Variants in PSG11 observed in about 807,000 individuals in gnomAD.
PSG11 encodes the protein pregnancy-specific beta-1-glycoprotein 11.
PSG11 carries 42 observed loss-of-function variants against 36.0 expected under a neutral mutation model. The observed-to-expected ratio is 1.17, with a 90% CI of 0.91 to 1.51. The LOEUF (loss-of-function observed/expected upper bound fraction) is 1.51, where lower values mean the gene tolerates loss of function less well. Among genes scored for constraint, PSG11 ranks in the 40% most tolerant of loss-of-function variants. The pLI is 0.00. For synonymous variants in PSG11, 206 were observed against 153.5 expected (o/e 1.34, Z -2.53); for missense variants, 558 against 403.5 (o/e 1.38, Z -3.28).
At chr19:43,025,491 T>C (rs1967222014) in intron 1 of PSG11, 2 of 181,234 alleles carry the variant, frequency 1.1e-5, no homozygotes, top group Admixed American at 5.4e-5. Context: ...TGTCAACACC[T>C]GACCTCACAT....
intron 4 of PSG11, chr19:43,010,764 T>C (rs1974056139): frequency 6.5e-6 from 1 of 154,170 alleles, no homozygotes; most frequent in Non-Finnish European, 1.4e-5. Flanking sequence ...TAATCCCGTC[T>C]TGGATGCATC....
intron 3 of PSG11, chr19:43,015,733 C>G: frequency 6.2e-7 from 1 of 1,605,230 alleles, no homozygotes. Context: ...TGGATTTAAG[C>G]TGGTGTCCTG....
intron 5 of PSG11, among the ~76,000 whole-genome samples, chr19:43,009,239 A>G (rs1372660330): frequency 6.6e-6 from 1 of 151,338 alleles, no homozygotes; most frequent in African/African-American, 2.4e-5. Context: ...TTCACATGTT[A>G]ATCCTAAAGT....
chr19:43,014,595 G>A lies in PSG11; in HGVS notation c.964+521C>T, dbSNP rs370628044. 2.1e-5 allele frequency: 22 copies of A among 1,026,166 alleles called. No homozygotes were observed. The African/African-American group carries it at 3.1e-4, about 14-fold the overall frequency. 63.6% of individuals were successfully genotyped at this position (1,026,166 alleles called of 1,614,324 possible). A position where few individuals can be genotyped will look rare whatever the true frequency, so the allele number is the denominator to read the frequency against. On this transcript the variant is annotated intron_variant, in intron 4 of 5. Coordinates refer to ENST00000320078, the MANE Select transcript of PSG11 (RefSeq NM_002785.3). ...CTCCACACATGCTGGTCCCACCCCA[G>A]GTTGAGTGAGGCAGGGCCAGTCACC... is the stretch of plus-strand genomic sequence containing the variant.
At position 43,015,264 on chromosome 19, in the gene PSG11, A is replaced by G. The variant is rs1379325685; in HGVS notation, c.816T>C (p.Ser272=). 1.2e-5 allele frequency: 19 copies of G among 1,611,436 alleles called. 1 individual carries two copies. The highest frequency in any genetic ancestry group is 1.6e-5 in the Non-Finnish European group (19 of 1,178,518). Residue 272 remains serine, a synonymous_variant, in exon 4 of 6, where the codon TCT becomes TCC. Transcript: ENST00000320078. ...GCTGAAACTTCCCATTAATTGTCCA[A>G]GAATACTGTGCTGGTGGGTTAGAGT... The part of the protein sequence containing the change: ...FANSNPPAQY[S]WTINGKFQLS...
rs368903666 is a variant in PSG11 at position 43,024,843 on chromosome 19, G to A, written c.278C>T (p.Pro93Leu). ...VVDGQIIIYG[P>L]AYSGRETVYS... is the part of the protein sequence containing the mutation. ...TACTGTTTCTCGTCCACTGTATGCC[G>A]GTCCATATATAATTATTTGACCGTC... Residue 93 changes from proline (P) to leucine (L), a missense_variant, in exon 2 of 6, where the codon CCG becomes CTG. Coordinates refer to ENST00000320078, the MANE Select transcript of PSG11 (RefSeq NM_002785.3). The A allele has an allele frequency of 2.2e-5, 35 of 1,611,728 alleles. 1 individual carries two copies. The highest frequency in any genetic ancestry group is 1.6e-4 in the Middle Eastern group (1 of 6,076).
intron 5 of PSG11, among the ~76,000 whole-genome samples, chr19:43,008,334 G>A (rs1473725291): frequency 6.6e-6 from 1 of 151,166 alleles, no homozygotes; most frequent in African/African-American, 2.4e-5. Flanking sequence ...GTGCAGTGGT[G>A]CAATCTCAGT....
chr19:43,025,096 T>G lies in PSG11; in HGVS notation c.65-40A>C, dbSNP rs367772023. ...GAGCATCAGTCAATATTGAGACCTA[T>G]GTATTGGGGTGAAAAGATGGGGCCC... On this transcript the variant is annotated intron_variant, in intron 1 of 5. Coordinates refer to ENST00000320078, the MANE Select transcript of PSG11 (RefSeq NM_002785.3). 23 of 1,579,928 alleles carry G rather than the reference T, an allele frequency of 1.5e-5. 1 individual carries two copies. In the African/African-American group the frequency reaches 2.7e-4, roughly 19 times the overall value.
chr19:43,019,689 A>T (rs1019384991), intron 2 of PSG11: 2 of 155,232 alleles, frequency 1.3e-5, no homozygotes, highest in African/African-American at 4.9e-5. Context: ...ACCTCTAAAG[A>T]TAGAGCAGAG....
chr19:43,011,020 C>G (rs867244291), intron 4 of PSG11, among the ~76,000 whole-genome samples: 1 of 150,702 alleles, frequency 6.6e-6, no homozygotes, highest in Non-Finnish European at 1.5e-5. Flanking sequence ...GTGAGGTAGA[C>G]ATTATTTCCA....
intron 2 of PSG11, among the ~76,000 whole-genome samples, chr19:43,022,675 C>T (rs1371087342): frequency 6.6e-6 from 1 of 151,234 alleles, no homozygotes; most frequent in African/African-American, 2.4e-5. Context: ...GGAGGGACTT[C>T]CTATCCCTGT....
Position 43,026,332 on chromosome 19 carries a change from T to C in PSG11, c.41A>G (p.Lys14Arg). 6.2e-7 allele frequency: 1 copy of C among 1,610,878 alleles called. No homozygotes were observed. Among genetic ancestry groups the C allele is most frequent in the African/African-American group, 1.3e-5 (1 of 74,386 alleles). Residue 14 changes from lysine to arginine, a missense_variant, in exon 1 of 6, where the codon AAA becomes AGA. By Grantham distance (26) the Lys-to-Arg change is conservative (BLOSUM62 2). Transcript: ENST00000320078. ...ACCTGTGAGCAGGAGCCCCTTCCAT[T>C]TGATGTGCTCTGTGCAGGGAGGGGC... ...LSAPPCTEHI[K>R]WKGLLLTALL...
rs187941999 is a variant in PSG11, at chr19:43,021,085, A to C, written c.431-2037T>G. On this transcript the variant is annotated intron_variant, in intron 2 of 5. Transcript: ENST00000320078. ...GATAGCACCCACCTGGCCACCTCCA[A>C]CTAGTCCCCAAAACCACCAGTATTC... Among the ~76,000 whole-genome samples, 1,015 of 151,438 alleles carry C rather than the reference A, an allele frequency of 6.7e-3. 49 individuals carry two copies. Among genetic ancestry groups the C allele is most frequent in the African/African-American group, 0.023 (948 of 41,068 alleles).
rs1233582283 is a variant in PSG11, at chr19:43,007,845, C to A, written c.*238G>T. 3.1e-6 allele frequency: 1 copy of A among 317,748 alleles called. No homozygotes were observed. The highest frequency in any genetic ancestry group is 6.1e-6 in the Non-Finnish European group (1 of 164,484). 19.7% of individuals were successfully genotyped at this position (317,748 alleles called of 1,614,324 possible). A position where few individuals can be genotyped will look rare whatever the true frequency, so the allele number is the denominator to read the frequency against. On this transcript the variant is annotated 3_prime_UTR_variant, in exon 6 of 6. Transcript: ENST00000320078. Reference sequence around the variant, plus strand: ...ACATTCAAAAAATCAGCACATTTTCCAATAAAAAATTATGAAAACATTATC... The same window carrying A: ...ACATTCAAAAAATCAGCACATTTTCAAATAAAAAATTATGAAAACATTATC...
At chr19:43,009,811 G>C in intron 5 of PSG11, 147 bp downstream of exon 5, 1 of 644,050 alleles carries the variant, frequency 1.6e-6, no homozygotes, top group Non-Finnish European at 2.8e-6. Flanking sequence ...AGGGAGAAAG[G>C]GAACTGCAGG....
intron 2 of PSG11, among the ~76,000 whole-genome samples, chr19:43,022,929 G>T (rs1479109702): frequency 6.6e-6 from 1 of 150,644 alleles, no homozygotes; most frequent in African/African-American, 2.5e-5. Flanking sequence ...AGGCCTAGGG[G>T]TGGGGGAAGA....
intron 2 of PSG11, among the ~76,000 whole-genome samples, chr19:43,023,582 C>T (rs560735474): frequency 1.3e-5 from 2 of 151,190 alleles, no homozygotes; most frequent in African/African-American, 2.4e-5. Context: ...TGCTCTCACT[C>T]CTCTGAGGTT....
intron 3 of PSG11, among the ~76,000 whole-genome samples, chr19:43,016,318 G>A (rs1283735113): frequency 6.6e-6 from 1 of 151,310 alleles, no homozygotes; most frequent in Non-Finnish European, 1.5e-5. Context: ...GGGAGTCACA[G>A]CCCCTGGTAC....
rs780283927 is a variant in PSG11, at chr19:43,024,851, T to C, written c.270A>G (p.Ile90Met). The C allele has an allele frequency of 1.1e-5, 17 of 1,611,742 alleles. No homozygotes were observed. Among genetic ancestry groups the C allele is most frequent in the Admixed American group, 6.7e-5 (4 of 59,806 alleles). The change falls in exon 2 of 6, where the codon ATA becomes ATG. Residue 90 changes from isoleucine (I) to methionine (M), a missense_variant. By Grantham distance (10) the Ile-to-Met change is conservative. Coordinates refer to ENST00000320078, the MANE Select transcript of PSG11 (RefSeq NM_002785.3). ...CTCGTCCACTGTATGCCGGTCCATA[T>C]ATAATTATTTGACCGTCTACTACAT... ...TSYVVDGQII[I>M]YGPAYSGRET...
Sources: allele counts gnomAD v4.1 joint callset (sites outside exome capture counted in the v4.1 genomes callset), GRCh38; gene constraint gnomAD v4.1.1; transcripts MANE v1.5; gene names NCBI Gene and HGNC (gene_info 2026-07-23, HGNC 2026-07-21).